Variants in HMOX2 observed in about 807,000 individuals in gnomAD.
The protein encoded by HMOX2 is heme oxygenase 2.
In HMOX2, 30 loss-of-function variants were observed where a neutral mutation model predicts 33.7. The observed-to-expected ratio is 0.89, with a 90% CI of 0.67 to 1.21. The LOEUF (loss-of-function observed/expected upper bound fraction) is 1.21, where lower values mean the gene tolerates loss of function less well. Among genes scored for constraint, HMOX2 ranks in the 50% most tolerant of loss-of-function variants. The probability of loss-of-function intolerance (pLI) is 0.00; values close to 1 mark genes in which losing one functional copy is unlikely to be tolerated. For missense variants in HMOX2, 403 were observed against 399.1 expected (o/e 1.01, Z -0.08); for synonymous variants, 155 against 155.0 (o/e 1.00, Z 0.00).
At chr16:4,507,673 G>A (rs371494306) in intron 3 of HMOX2, 40 bp from the exon 4 acceptor site, 720 of 1,594,356 alleles carry the variant, frequency 4.5e-4, no homozygotes, top group Non-Finnish European at 5.8e-4. Flanking sequence ...CGGATGTGGT[G>A]TGCTCAGGCA....
intron 2 of HMOX2, among the ~76,000 whole-genome samples, 188 bp from the exon 3 acceptor site, chr16:4,506,707 A>G (rs2058701758): frequency 6.6e-6 from 1 of 152,110 alleles, no homozygotes; most frequent in South Asian, 2.1e-4. Flanking sequence ...GCAGAATGTC[A>G]TGTCTGCTTG....
chr16:4,498,591 TC>T (rs2058481346), intron 1 of HMOX2, among the ~76,000 whole-genome samples: 1 of 152,018 alleles, frequency 6.6e-6, no homozygotes, highest in South Asian at 2.1e-4. Flanking sequence ...CCCAGGCTAG[TC>T]TTGAGCTCCT....
In HMOX2 at chr16:4,509,402, G is replaced by T; in HGVS notation, c.697-10G>T. The T allele has an allele frequency of 3.7e-6, 6 of 1,613,306 alleles. No individual in the cohort carries two copies. Among genetic ancestry groups the T allele is most frequent in the African/African-American group, 1.3e-5 (1 of 74,886 alleles). On this transcript the variant is annotated splice_polypyrimidine_tract_variant and intron_variant, in intron 4 of 5. Coordinates refer to ENST00000570646, the MANE Select transcript of HMOX2 (RefSeq NM_002134.4). ...CCAAAGATGGCTCAGTCGATCCTCT[G>T]CTCCTGCAGATATTCAATGAACTGG...
Position 4,508,088 on chromosome 16 carries a change from A to G in HMOX2, c.580A>G (p.Asn194Asp). ...TQFYLFENVD[N>D]AQQFKQLYRA... ...GTTCTACCTGTTTGAGAATGTGGAC[A>G]ATGCCCAGCAGTTCAAGCAGCTCTA... The change falls in exon 4 of 6, where the codon AAT (asparagine) becomes GAT (aspartate). Residue 194 changes from asparagine to aspartate, a missense_variant. Asn to Asp is a conservative substitution (Grantham distance 23). Transcript: ENST00000570646. 2 of 1,614,146 alleles carry G rather than the reference A, an allele frequency of 1.2e-6. No individual in the cohort carries two copies. Among genetic ancestry groups the G allele is most frequent in the Non-Finnish European group, 1.7e-6 (2 of 1,180,026 alleles).
At chr16:4,480,943 C>T (rs1343825430) in intron 1 of HMOX2, among the ~76,000 whole-genome samples, 1 of 151,636 alleles carries the variant, frequency 6.6e-6, no homozygotes, top group Non-Finnish European at 1.5e-5. Context: ...CGTGAGCCAC[C>T]GCGCCCGGCC....
chr16:4,487,870 G>C (rs1288822146), intron 1 of HMOX2, among the ~76,000 whole-genome samples: 1 of 151,338 alleles, frequency 6.6e-6, no homozygotes, highest in Non-Finnish European at 1.5e-5. Flanking sequence ...AGAACTGCTT[G>C]AACCCGGGAG....
Position 4,507,122 on chromosome 16 carries a change from C to G in HMOX2, c.204+110C>G, listed in dbSNP as rs527842814. On this transcript the variant is annotated intron_variant, in intron 3 of 5. Coordinates refer to ENST00000570646, the MANE Select transcript of HMOX2 (RefSeq NM_002134.4). ...ACTCTGAGGGAAAAGCTGGGCTTTT[C>G]TCCACACTCCATTCCTTCTTGACGT... is the stretch of plus-strand genomic sequence containing the variant. 1.1e-3 allele frequency: 794 copies of G among 738,966 alleles called. 1 individual carries two copies. Among genetic ancestry groups the G allele is most frequent in the Admixed American group, 2.6e-3 (134 of 52,446 alleles). The allele number at this position is 738,966 out of a possible 1,614,324, so 45.8% of individuals were successfully genotyped here. A position where few individuals can be genotyped will look rare whatever the true frequency, so the allele number is the denominator to read the frequency against.
intron 1 of HMOX2, among the ~76,000 whole-genome samples, chr16:4,489,329 C>T (rs577143467): frequency 6.6e-6 from 1 of 152,312 alleles, no homozygotes; most frequent in African/African-American, 2.4e-5. Flanking sequence ...CCCTCCCTCT[C>T]TCCCTTCCTC....
intron 1 of HMOX2, among the ~76,000 whole-genome samples, chr16:4,494,794 A>G (rs2058381032): frequency 4.6e-5 from 7 of 152,024 alleles, no homozygotes; most frequent in Admixed American, 4.6e-4. Context: ...CAGGAGGATC[A>G]CTTGAGCCTG....
chr16:4,501,824 T>C (rs2058566221), intron 1 of HMOX2, among the ~76,000 whole-genome samples: 2 of 152,166 alleles, frequency 1.3e-5, no homozygotes, highest in East Asian at 1.9e-4. Flanking sequence ...GCCACTCCCT[T>C]GGACAGTGGC....
chr16:4,487,656 T>C (rs1241242058), intron 1 of HMOX2, among the ~76,000 whole-genome samples: 1 of 151,832 alleles, frequency 6.6e-6, no homozygotes, highest in Non-Finnish European at 1.5e-5. Flanking sequence ...AAAAATTAGC[T>C]GGGCGTGGTG....
intron 1 of HMOX2, among the ~76,000 whole-genome samples, chr16:4,488,099 T>A (rs527829778): frequency 1.4e-5 from 2 of 146,050 alleles, no homozygotes; most frequent in South Asian, 2.2e-4. Flanking sequence ...CTCCATTGTT[T>A]CGCTGCAACG....
At chr16:4,505,935 G>C (rs889516114) in intron 2 of HMOX2, among the ~76,000 whole-genome samples, 1 of 152,190 alleles carries the variant, frequency 6.6e-6, no homozygotes, top group Non-Finnish European at 1.5e-5. Flanking sequence ...AGGCAAAGCT[G>C]GCTCTGTTCA....
intron 3 of HMOX2, among the ~76,000 whole-genome samples, chr16:4,507,301 C>T (rs969606501): frequency 6.6e-5 from 10 of 151,816 alleles, no homozygotes; most frequent in Non-Finnish European, 1.5e-5. Context: ...AAAAATTAGC[C>T]GGGTGTGGTG....
intron 1 of HMOX2, among the ~76,000 whole-genome samples, chr16:4,493,809 A>G (rs1269225166): frequency 1.3e-5 from 2 of 152,262 alleles, no homozygotes; most frequent in Admixed American, 6.5e-5. Flanking sequence ...TATGCCTGCT[A>G]TTACACTTGT....
intron 3 of HMOX2, 49 bp downstream of exon 3, chr16:4,507,061 G>C: frequency 7.9e-7 from 1 of 1,269,996 alleles, no homozygotes; most frequent in Non-Finnish European, 1.2e-6. Flanking sequence ...GTTGGGGTGG[G>C]GGCCTTGGTC....
chr16:4,481,460 T>C (rs1011750506), intron 1 of HMOX2, among the ~76,000 whole-genome samples: 5 of 152,238 alleles, frequency 3.3e-5, no homozygotes, highest in Admixed American at 2.6e-4. Context: ...ATGATCATAA[T>C]TTTTATGCGA....
chr16:4,495,792 A>G (rs2058402881), intron 1 of HMOX2: 1 of 152,216 alleles, frequency 6.6e-6, no homozygotes, highest in African/African-American at 2.4e-5. Context: ...AGTGGGTGCT[A>G]TAGAGATGTG....
chr16:4,484,469 TTTTTTTTTTGA>T, intron 1 of HMOX2, among the ~76,000 whole-genome samples: 1 of 149,184 alleles, frequency 6.7e-6, no homozygotes, highest in Non-Finnish European at 1.5e-5. Context: ...TCTTTTTTTT[TTTTTTTTTTGA>T]GACGGAGTCT....
Sources: allele counts gnomAD v4.1 joint callset (sites outside exome capture counted in the v4.1 genomes callset), GRCh38; gene constraint gnomAD v4.1.1; transcripts MANE v1.5; gene names NCBI Gene and HGNC (gene_info 2026-07-23, HGNC 2026-07-21).